Variants in DGKG observed in about 807,000 individuals in gnomAD.
DGKG encodes diacylglycerol kinase gamma.
Under a neutral mutation model 105.3 loss-of-function variants are expected in DGKG, and 78 were observed. The observed-to-expected ratio is 0.74, with a 90% CI of 0.62 to 0.89. The LOEUF (loss-of-function observed/expected upper bound fraction) is 0.89. Ranked by LOEUF, DGKG falls within the 40% of genes least tolerant of loss-of-function variation. DGKG has a pLI of 0.00. For synonymous variants in DGKG, 346 were observed against 367.1 expected, an observed-to-expected ratio of 0.94 and a Z score of 0.66; for missense variants, 958 against 1,020.1, an observed-to-expected ratio of 0.94 and a Z score of 0.83.
At position 186,149,643 on chromosome 3, in the gene DGKG, T is replaced by C; in HGVS notation, c.*447A>G. 1 of 988,742 alleles carries C rather than the reference T, an allele frequency of 1.0e-6. No homozygotes were observed. Among genetic ancestry groups the C allele is most frequent in the African/African-American group, 1.7e-5 (1 of 57,398 alleles). 61.2% of individuals were successfully genotyped at this position (988,742 alleles called of 1,614,324 possible). A position where few individuals can be genotyped will look rare whatever the true frequency, so the allele number is the denominator to read the frequency against. On this transcript the variant is annotated 3_prime_UTR_variant, in exon 25 of 25. Coordinates refer to ENST00000265022, the MANE Select transcript of DGKG (RefSeq NM_001346.3). Reference sequence around the variant, plus strand: ...CTGTACAGAGGGAACTTTGTGCAAATTCTCTGGAACCAGAGCTCCTTCCCT... The same window carrying C: ...CTGTACAGAGGGAACTTTGTGCAAACTCTCTGGAACCAGAGCTCCTTCCCT...
chr3:186,169,685 C>G (rs1230221841), intron 22 of DGKG, among the ~76,000 whole-genome samples: 4 of 152,328 alleles, frequency 2.6e-5, no homozygotes, highest in Admixed American at 1.3e-4. Flanking sequence ...ACTTGTCTAT[C>G]AAAACTCAGG....
Position 186,323,663 on chromosome 3 carries a change from G to A in DGKG, c.-248-2956C>T, listed in dbSNP as rs546981476. Among the ~76,000 whole-genome samples the A allele has an allele frequency of 5.9e-5, 9 of 152,188 alleles. No homozygotes were observed. The South Asian group carries it at 1.0e-3, about 18-fold the overall frequency. ...AAAAATTAGCTGGGTGTGGCCAGGCGCAGTGGCTCACGCCTGTAATCCCAC... is the reference window on the plus strand; with the variant it reads ...AAAAATTAGCTGGGTGTGGCCAGGCACAGTGGCTCACGCCTGTAATCCCAC... On this transcript the variant is annotated intron_variant, in intron 1 of 24. Coordinates refer to ENST00000265022, the MANE Select transcript of DGKG (RefSeq NM_001346.3).
chr3:186,170,489 T>C (rs1411256660), intron 22 of DGKG, among the ~76,000 whole-genome samples: 1 of 152,242 alleles, frequency 6.6e-6, no homozygotes, highest in Admixed American at 6.5e-5. Flanking sequence ...TGAGGCGTAC[T>C]TAAGTTTGAG....
chr3:186,268,817 AC>A lies in DGKG; in HGVS notation c.1099del (p.Val367CysfsTer5). On this transcript the variant is annotated frameshift_variant, in exon 12 of 25. Coordinates refer to ENST00000265022, the MANE Select transcript of DGKG (RefSeq NM_001346.3). LOFTEE classifies it high-confidence loss of function. ...CCAACCCACCGTCATCCGGCACCAC[AC>A]GCAGTGCCGCGCGGTGACACTCTGG... ...CYQSVTARHC[V>X]WCRMTFHRKC... 6.2e-7 allele frequency: 1 copy of A among 1,612,158 alleles called. No individual in the cohort carries two copies. The highest frequency in any genetic ancestry group is 1.3e-5 in the African/African-American group (1 of 75,008).
intron 20 of DGKG, among the ~76,000 whole-genome samples, chr3:186,240,059 T>C (rs1720607694): frequency 6.6e-6 from 1 of 152,188 alleles, no homozygotes; most frequent in Non-Finnish European, 1.5e-5. Context: ...TTCTGGGAAT[T>C]ACAGATGTTT....
intron 15 of DGKG, among the ~76,000 whole-genome samples, chr3:186,261,345 G>A (rs1560120826): frequency 2.6e-5 from 4 of 152,102 alleles, no homozygotes; most frequent in Admixed American, 6.6e-5. Context: ...CCTAATCAAC[G>A]GGCTGCCCAT....
intron 22 of DGKG, among the ~76,000 whole-genome samples, chr3:186,180,987 G>A (rs535089996): frequency 3.3e-5 from 5 of 152,214 alleles, no homozygotes; most frequent in East Asian, 1.9e-4. Flanking sequence ...ATGACTACAC[G>A]TATTTGCCTG....
chr3:186,221,073 T>A (rs778102776), intron 20 of DGKG, among the ~76,000 whole-genome samples: 1 of 152,208 alleles, frequency 6.6e-6, no homozygotes, highest in Non-Finnish European at 1.5e-5. Flanking sequence ...CTGAGACTCA[T>A]GATCCACTGT....
At chr3:186,208,202 C>T (rs148757388) in intron 21 of DGKG, among the ~76,000 whole-genome samples, 1,584 of 152,070 alleles carry the variant, frequency 0.01, 27 homozygotes, top group South Asian at 0.041. Context: ...CCACCACACC[C>T]GGCTAATTTT....
At chr3:186,296,112 C>CAAAAAAAA (rs36070727) in intron 5 of DGKG, among the ~76,000 whole-genome samples, 4,404 of 142,762 alleles carry the variant, frequency 0.031, 191 homozygotes, top group African/African-American at 0.11. Context: ...TTATCTCAGA[C>CAAAAAAAA]AAAAAAAAAA....
In DGKG at chr3:186,249,992, G is replaced by A. The variant is rs1389817546; in HGVS notation, c.1761+1767C>T. Reference sequence around the variant, plus strand: ...ATGGTTGAGGAGTGCAGGTATCACAGAGTCTGGGGCAGAGGATTCGTCTGG... The same window carrying A: ...ATGGTTGAGGAGTGCAGGTATCACAAAGTCTGGGGCAGAGGATTCGTCTGG... On this transcript the variant is annotated intron_variant, in intron 19 of 24. Coordinates refer to ENST00000265022, the MANE Select transcript of DGKG (RefSeq NM_001346.3). Among the ~76,000 whole-genome samples the A allele has an allele frequency of 3.3e-5, 5 of 152,252 alleles. No homozygotes were observed. The East Asian group carries it at 7.7e-4, about 23-fold the overall frequency.
intron 21 of DGKG, among the ~76,000 whole-genome samples, chr3:186,204,260 G>A (rs1718614777): frequency 6.6e-6 from 1 of 152,100 alleles, no homozygotes; most frequent in African/African-American, 2.4e-5. Flanking sequence ...ACAAACATTA[G>A]CCAGGCATTG....
rs191702614 is a variant in DGKG, at chr3:186,309,146, T to C, written c.68-2169A>G. ...AACACCAAGTTGGGAAGAAGAAAAA[T>C]TAAGATGAAAGTGGGGTAGGGGTGG... On this transcript the variant is annotated intron_variant, in intron 2 of 24. Coordinates refer to ENST00000265022, the MANE Select transcript of DGKG (RefSeq NM_001346.3). 6.3e-4 allele frequency among the ~76,000 whole-genome samples: 95 copies of C among 151,908 alleles called. No individual in the cohort carries two copies. The Middle Eastern group carries it at 0.01, about 16-fold the overall frequency.
At chr3:186,261,346 G>T (rs2108573510) in intron 15 of DGKG, among the ~76,000 whole-genome samples, 2 of 152,210 alleles carry the variant, frequency 1.3e-5, no homozygotes, top group South Asian at 4.1e-4. Context: ...CTAATCAACG[G>T]GCTGCCCATC....
intron 22 of DGKG, among the ~76,000 whole-genome samples, chr3:186,179,775 G>T (rs905885080): frequency 1.1e-4 from 16 of 152,204 alleles, no homozygotes; most frequent in African/African-American, 2.9e-4. Flanking sequence ...AGTCAGTTGG[G>T]AATAGAAAAG....
chr3:186,273,367 C>CTTT (rs375667915), intron 10 of DGKG, among the ~76,000 whole-genome samples: 1,243 of 85,570 alleles, frequency 0.015, 181 homozygotes, highest in Non-Finnish European at 0.018. Context: ...TGTTGTACCC[C>CTTT]TTTTTTTTTT....
intron 9 of DGKG, among the ~76,000 whole-genome samples, chr3:186,275,967 TCTATCTATCTA>T (rs1722565033): frequency 6.7e-6 from 1 of 150,176 alleles, no homozygotes; most frequent in Non-Finnish European, 1.5e-5. Context: ...TATCTATCTA[TCTATCTATCTA>T]TCTATCTATC....
chr3:186,303,784 C>T (rs749120974), intron 3 of DGKG, among the ~76,000 whole-genome samples: 28 of 152,196 alleles, frequency 1.8e-4, no homozygotes, highest in South Asian at 4.1e-4. Context: ...ATGTTCATCA[C>T]GGCCAGATGC....
chr3:186,242,434 C>A, intron 20 of DGKG, 70 bp downstream of exon 20: 2 of 1,333,462 alleles, frequency 1.5e-6, no homozygotes, highest in East Asian at 2.4e-5. Context: ...TTCCAGAGAG[C>A]AGGTGAAAGG....
Sources: gnomAD v4.1 joint callset for allele counts (sites outside exome capture counted in the v4.1 genomes callset) on GRCh38, gnomAD v4.1.1 for gene constraint, MANE v1.5 for transcripts, NCBI Gene and HGNC (gene_info 2026-07-23, HGNC 2026-07-21) for gene names.